Variants in OSBPL3 observed in about 807,000 individuals in gnomAD.
OSBPL3 encodes the protein oxysterol-binding protein-related protein 3.
In OSBPL3, 65 loss-of-function variants were observed where a neutral mutation model predicts 120.1. The ratio of observed to expected loss-of-function variants is 0.54; its 90% CI spans 0.44 to 0.67. The LOEUF is 0.67. Ranked by LOEUF, OSBPL3 falls within the 30% of genes least tolerant of loss-of-function variation. The pLI is 0.00. For missense variants in OSBPL3, 1,004 were observed against 1,082.1 expected (o/e 0.93, Z 1.01); for synonymous variants, 416 against 402.6 (o/e 1.03, Z -0.40).
chr7:24,963,935 G>C (rs10269252), intron 1 of OSBPL3, among the ~76,000 whole-genome samples: 120,599 of 151,546 alleles, frequency 0.8, 48,419 homozygotes, highest in South Asian at 0.9. Flanking sequence ...GTGCCGAAAA[G>C]AAAGGACATG....
At chr7:24,825,197 G>A (rs1795562226) in intron 16 of OSBPL3, among the ~76,000 whole-genome samples, 2 of 152,190 alleles carry the variant, frequency 1.3e-5, no homozygotes, top group Non-Finnish European at 2.9e-5. Flanking sequence ...CCAGTAGTGA[G>A]TCCTACTGCA....
intron 1 of OSBPL3, among the ~76,000 whole-genome samples, chr7:24,928,085 G>A (rs945242765): frequency 1.4e-4 from 22 of 151,980 alleles, no homozygotes; most frequent in Non-Finnish European, 2.9e-4. Flanking sequence ...CATGAAAGAT[G>A]TGTCTGCTCC....
At position 24,834,595 on chromosome 7, in the gene OSBPL3, G is replaced by A. The variant is rs1260722830; in HGVS notation, c.1637C>T (p.Pro546Leu). The A allele has an allele frequency of 2.5e-6, 4 of 1,614,028 alleles. No homozygotes were observed. Among genetic ancestry groups the A allele is most frequent in the African/African-American group, 1.3e-5 (1 of 74,918 alleles). The change falls in exon 15 of 23, where the codon CCG becomes CTG. Residue 546 changes from proline (P) to leucine (L), a missense_variant. Physicochemically the swap from Pro to Leu is moderately conservative, Grantham distance 98. Around this residue, in one of 4 missense-constraint regions of OSBPL3, gnomAD observed 473 missense variants for 568.0 expected, o/e 0.83. Coordinates refer to ENST00000313367, the MANE Select transcript of OSBPL3 (RefSeq NM_015550.4). This position sits in a 1 kb window ranked among gnomAD's most constrained non-coding sequence, Gnocchi z 5.2. ...IGKDLSKVAM[P>L]VELNEPLNTL... ...GTTCAGGGGCTCGTTCAGCTCCACC[G>A]GCATGGCCACCTTGGACAGGTCCTT...
rs1030326284 is a variant in OSBPL3 at position 24,881,241 on chromosome 7, C to T, written c.97-9172G>A. On this transcript the variant is annotated intron_variant, in intron 2 of 22. Coordinates refer to ENST00000313367, the MANE Select transcript of OSBPL3 (RefSeq NM_015550.4). The surrounding 1 kb of genome is among the most constrained non-coding windows in gnomAD (Gnocchi z 4.3). ...CAATAAACTCTTCTTTATCTTGATC[C>T]AAATCAGAAGTGAATTATTTTCACA... is the stretch of plus-strand genomic sequence containing the variant. Among the ~76,000 whole-genome samples, 3 of 152,196 alleles carry T rather than the reference C, an allele frequency of 2.0e-5. No homozygotes were observed. Among genetic ancestry groups the T allele is most frequent in the Non-Finnish European group, 2.9e-5 (2 of 68,034 alleles).
In OSBPL3 at chr7:24,820,225, G is replaced by C. The variant is rs749672339; in HGVS notation, c.1898C>G (p.Pro633Arg). 1 of 1,611,790 alleles carries C rather than the reference G, an allele frequency of 6.2e-7. No individual in the cohort carries two copies. ...QFFSEQVSHH[P>R]PISACHAESR... is the part of the protein sequence containing the mutation. ...CTCAGCATGACACGCAGAGATAGGC[G>C]GATGGTGGCTGACCTGATGGAAACA... is the stretch of plus-strand genomic sequence containing the variant. The change falls in exon 17 of 23, where the codon CCG becomes CGG. Residue 633 changes from proline (P) to arginine (R), a missense_variant. This residue lies in a region of OSBPL3 where 473 missense variants were observed against 568.0 expected (regional missense o/e 0.83). Coordinates refer to ENST00000313367, the MANE Select transcript of OSBPL3 (RefSeq NM_015550.4). The surrounding 1 kb of genome is among the most constrained non-coding windows in gnomAD (Gnocchi z 4.6).
chr7:24,905,418 G>A (rs1012699713), intron 1 of OSBPL3, among the ~76,000 whole-genome samples: 3 of 152,156 alleles, frequency 2.0e-5, no homozygotes, highest in African/African-American at 4.8e-5. Flanking sequence ...AAGCTATGCC[G>A]GATGAGGGAG....
At chr7:24,816,739 G>C in intron 17 of OSBPL3, 51 bp from the exon 18 acceptor site, 1 of 1,145,234 alleles carries the variant, frequency 8.7e-7, no homozygotes, top group Non-Finnish European at 1.3e-6. Flanking sequence ...GTAGGTAGAT[G>C]AAATAGTTCC....
chr7:24,979,964 G>T lies in OSBPL3; in HGVS notation c.-228C>A. 1 of 983,514 alleles carries T rather than the reference G, an allele frequency of 1.0e-6. No homozygotes were observed. The highest frequency in any genetic ancestry group is 1.2e-6 in the Non-Finnish European group (1 of 829,134). The allele number at this position is 983,514 out of a possible 1,614,324, so 60.9% of individuals were successfully genotyped here. On this transcript the variant is annotated 5_prime_UTR_variant, in exon 1 of 23. Transcript: ENST00000313367. ...GGTTAGCGCACAGAACCGGGAGAAG[G>T]CAACCCCGGCTTCTCCGGTACCCCC...
At chr7:24,897,218 C>T (rs1448570727) in intron 1 of OSBPL3, among the ~76,000 whole-genome samples, 2 of 152,104 alleles carry the variant, frequency 1.3e-5, no homozygotes, top group African/African-American at 2.4e-5. Flanking sequence ...GATGTAAAGG[C>T]TCATGGCCTC....
intron 1 of OSBPL3, among the ~76,000 whole-genome samples, chr7:24,950,811 C>T (rs1392774192): frequency 1.3e-5 from 2 of 152,020 alleles, no homozygotes; most frequent in Admixed American, 1.3e-4. Context: ...TCATTCAGAA[C>T]AAATTAGTGC....
chr7:24,980,438 T>G (rs546755033), upstream of OSBPL3, among the ~76,000 whole-genome samples: 2 of 151,942 alleles, frequency 1.3e-5, no homozygotes, highest in East Asian at 3.9e-4. Context: ...AGGCGAGTCC[T>G]GCGGCGAGGC....
At position 24,898,508 on chromosome 7, in the gene OSBPL3, C is replaced by T. The variant is rs561163095; in HGVS notation, c.-149-5887G>A. 1.8e-4 allele frequency among the ~76,000 whole-genome samples: 28 copies of T among 152,258 alleles called. No individual in the cohort carries two copies. Among genetic ancestry groups the T allele is most frequent in the Admixed American group, 7.2e-4 (11 of 15,292 alleles). The stretch of plus-strand genomic sequence containing the variant: ...GTCAAGAGGCCTAAAGACTCAAATG[C>T]TTACTCTGGCACAATAGAGTATCCA... On this transcript the variant is annotated intron_variant, in intron 1 of 22. Coordinates refer to ENST00000313367, the MANE Select transcript of OSBPL3 (RefSeq NM_015550.4). This position sits in a 1 kb window ranked among gnomAD's most constrained non-coding sequence, Gnocchi z 4.3.
At chr7:24,807,605 T>C (rs1205431490) in intron 20 of OSBPL3, among the ~76,000 whole-genome samples, 1 of 152,184 alleles carries the variant, frequency 6.6e-6, no homozygotes, top group Admixed American at 6.5e-5. Context: ...ATTTAAGTGA[T>C]GTCAAATTCT....
chr7:24,854,535 CACAA>C lies in OSBPL3; in HGVS notation c.1028-1905_1028-1902del, dbSNP rs374722181. ...ACACACACACACACACACACACACA[CACAA>C]ACACACACAATGGTGCTGCCTCTGC... On this transcript the variant is annotated intron_variant, in intron 10 of 22. Transcript: ENST00000313367. The surrounding 1 kb of genome is among the most constrained non-coding windows in gnomAD (Gnocchi z 4.1). 0.068 allele frequency among the ~76,000 whole-genome samples: 9,897 copies of C among 145,062 alleles called. 329 individuals are homozygous for C. Among genetic ancestry groups the C allele is most frequent in the East Asian group, 0.096 (465 of 4,868 alleles).
At chr7:24,901,099 G>A (rs952724629) in intron 1 of OSBPL3, among the ~76,000 whole-genome samples, 1 of 151,958 alleles carries the variant, frequency 6.6e-6, no homozygotes, top group Non-Finnish European at 1.5e-5. Context: ...GGAGGCTGAG[G>A]CGGGCGGATC....
In OSBPL3 at chr7:24,873,748, A is replaced by C. The variant is rs1802483049; in HGVS notation, c.97-1679T>G. 6.6e-6 allele frequency among the ~76,000 whole-genome samples: 1 copy of C among 152,224 alleles called. No individual in the cohort carries two copies. The highest frequency in any genetic ancestry group is 1.5e-5 in the Non-Finnish European group (1 of 68,040). On this transcript the variant is annotated intron_variant, in intron 2 of 22. Transcript: ENST00000313367. The surrounding 1 kb of genome is among the most constrained non-coding windows in gnomAD (Gnocchi z 4.1). ...CCTATTACTTAAAAACACCAAAAAAAAAAACTTACTTGAATTTATTTTAGC... is the reference window on the plus strand; with the variant it reads ...CCTATTACTTAAAAACACCAAAAAACAAAACTTACTTGAATTTATTTTAGC...
chr7:24,879,842 T>C lies in OSBPL3; in HGVS notation c.97-7773A>G, dbSNP rs1803398950. 6.6e-6 allele frequency among the ~76,000 whole-genome samples: 1 copy of C among 152,250 alleles called. No homozygotes were observed. Among genetic ancestry groups the C allele is most frequent in the African/African-American group, 2.4e-5 (1 of 41,476 alleles). Reference sequence around the variant, plus strand: ...ACGCTGTTGATCACTCACTCAGCATTTATGGCTACAATTACTTTGGCATGT... The same window carrying C: ...ACGCTGTTGATCACTCACTCAGCATCTATGGCTACAATTACTTTGGCATGT... On this transcript the variant is annotated intron_variant, in intron 2 of 22. Coordinates refer to ENST00000313367, the MANE Select transcript of OSBPL3 (RefSeq NM_015550.4). This position sits in a 1 kb window ranked among gnomAD's most constrained non-coding sequence, Gnocchi z 5.6.
chr7:24,895,787 T>C (rs1806051367), intron 1 of OSBPL3, among the ~76,000 whole-genome samples: 1 of 152,210 alleles, frequency 6.6e-6, no homozygotes, highest in African/African-American at 2.4e-5. Flanking sequence ...CAATATATGA[T>C]AATTTCCCTG....
At chr7:24,825,512 T>G (rs1339107186) in intron 16 of OSBPL3, among the ~76,000 whole-genome samples, 1 of 152,220 alleles carries the variant, frequency 6.6e-6, no homozygotes, top group Admixed American at 6.5e-5. Context: ...AAGTGCTGAC[T>G]TGACCTAGAA....
Sources: allele counts gnomAD v4.1 joint callset (sites outside exome capture counted in the v4.1 genomes callset), GRCh38; gene constraint gnomAD v4.1.1; regional missense constraint gnomAD v4.1.1; non-coding constraint Gnocchi (gnomAD v3.1); transcripts MANE v1.5; gene names NCBI Gene and HGNC (gene_info 2026-07-23, HGNC 2026-07-21).